UBE2E2: variants seen among roughly 807,000 people sequenced by gnomAD.
The protein encoded by UBE2E2 is ubiquitin-conjugating enzyme E2 E2.
In UBE2E2, 6 loss-of-function variants were observed where a neutral mutation model predicts 24.7. The observed-to-expected ratio is 0.24, with a 90% CI of 0.13 to 0.48. The LOEUF is 0.48. UBE2E2 is among the 20% of genes least tolerant of loss of function. The pLI is 0.99. For missense variants in UBE2E2, 169 were observed against 245.0 expected (o/e 0.69, Z 2.07); for synonymous variants, 104 against 83.6 (o/e 1.24, Z -1.33).
intron 3 of UBE2E2, among the ~76,000 whole-genome samples, chr3:23,466,969 T>G: frequency 6.6e-6 from 1 of 152,226 alleles, no homozygotes; most frequent in East Asian, 1.9e-4. Context: ...GTGATGAGTT[T>G]GCAAGGTGAA....
At chr3:23,530,355 A>T (rs1695094080) in intron 4 of UBE2E2, among the ~76,000 whole-genome samples, 1 of 152,158 alleles carries the variant, frequency 6.6e-6, no homozygotes, top group South Asian at 2.1e-4. Context: ...CTCTTTGATT[A>T]TAGCTATGTC....
At chr3:23,350,763 G>A (rs1575578738) in intron 3 of UBE2E2, among the ~76,000 whole-genome samples, 1 of 152,198 alleles carries the variant, frequency 6.6e-6, no homozygotes, top group Admixed American at 6.5e-5. Flanking sequence ...CGTCTGATTG[G>A]TGTACCTGAA....
intron 2 of UBE2E2, among the ~76,000 whole-genome samples, chr3:23,211,328 C>A (rs1288095756): frequency 6.6e-6 from 1 of 151,680 alleles, no homozygotes; most frequent in African/African-American, 2.4e-5. Context: ...TAAAGAGTAG[C>A]ATTGAAGAGC....
At chr3:23,428,954 A>T (rs1697994625) in intron 3 of UBE2E2, among the ~76,000 whole-genome samples, 1 of 143,818 alleles carries the variant, frequency 7.0e-6, no homozygotes, top group Non-Finnish European at 1.5e-5. Flanking sequence ...AAAAAAAAAG[A>T]ATTGAAAAAG....
At chr3:23,260,014 T>TAAA in intron 3 of UBE2E2, among the ~76,000 whole-genome samples, 1 of 152,366 alleles carries the variant, frequency 6.6e-6, no homozygotes, top group East Asian at 1.9e-4. Context: ...ATCCCTTTTA[T>TAAA]GTGATTTAAA....
At chr3:23,354,536 GA>G (rs940092224) in intron 3 of UBE2E2, among the ~76,000 whole-genome samples, 9 of 151,946 alleles carry the variant, frequency 5.9e-5, no homozygotes, top group Non-Finnish European at 8.8e-5. Flanking sequence ...AAATTTGCAA[GA>G]AAAAAACAAC....
chr3:23,262,042 C>A (rs1697915791), intron 3 of UBE2E2, among the ~76,000 whole-genome samples: 1 of 152,136 alleles, frequency 6.6e-6, no homozygotes, highest in Non-Finnish European at 1.5e-5. Flanking sequence ...TGAGGAGCCT[C>A]CATATTGGTT....
intron 3 of UBE2E2, among the ~76,000 whole-genome samples, chr3:23,402,292 G>A (rs549984804): frequency 7.9e-5 from 12 of 152,264 alleles, no homozygotes; most frequent in Middle Eastern, 3.4e-3. Context: ...TCCACGTAAT[G>A]TCACACCAGG....
intron 3 of UBE2E2, among the ~76,000 whole-genome samples, chr3:23,300,937 T>TG (rs1298518011): frequency 1.3e-5 from 2 of 152,336 alleles, no homozygotes; most frequent in East Asian, 3.9e-4. Context: ...GACGTAGATT[T>TG]GGTCTTTTCA....
At chr3:23,415,480 A>G (rs1381584906) in intron 3 of UBE2E2, among the ~76,000 whole-genome samples, 3 of 152,240 alleles carry the variant, frequency 2.0e-5, no homozygotes, top group Non-Finnish European at 4.4e-5. Flanking sequence ...GCTGGAGTAC[A>G]TTACATGTAA....
chr3:23,303,064 C>T (rs1699144707), intron 3 of UBE2E2, among the ~76,000 whole-genome samples: 2 of 152,166 alleles, frequency 1.3e-5, no homozygotes, highest in South Asian at 4.1e-4. Flanking sequence ...CTGAGCTCTG[C>T]CTCCCGTCAG....
At chr3:23,203,748 C>G (rs1696040851) in intron 1 of UBE2E2, among the ~76,000 whole-genome samples, 1 of 148,774 alleles carries the variant, frequency 6.7e-6, no homozygotes, top group Non-Finnish European at 1.5e-5. Flanking sequence ...TTCTCAGTTC[C>G]CCATCCTTCT....
At chr3:23,574,309 T>C (rs1027792243) in intron 5 of UBE2E2, among the ~76,000 whole-genome samples, 1 of 152,182 alleles carries the variant, frequency 6.6e-6, no homozygotes, top group African/African-American at 2.4e-5. Flanking sequence ...ACCTAGTGTT[T>C]GCTAGCACAA....
At chr3:23,341,533 T>G (rs1695387412) in intron 3 of UBE2E2, among the ~76,000 whole-genome samples, 1 of 152,156 alleles carries the variant, frequency 6.6e-6, no homozygotes, top group African/African-American at 2.4e-5. Flanking sequence ...AAGGTTTGAG[T>G]GTAGGTAAGC....
At chr3:23,360,032 C>G (rs761034138) in intron 3 of UBE2E2, among the ~76,000 whole-genome samples, 5 of 152,104 alleles carry the variant, frequency 3.3e-5, no homozygotes, top group Non-Finnish European at 7.4e-5. Context: ...GTTTTACCTG[C>G]TGGTCTAATT....
At chr3:23,255,186 C>T (rs1020612080) in intron 3 of UBE2E2, among the ~76,000 whole-genome samples, 3 of 147,952 alleles carry the variant, frequency 2.0e-5, no homozygotes, top group Non-Finnish European at 3.0e-5. Flanking sequence ...CATGCTCAAG[C>T]GACCCTCCCA....
intron 5 of UBE2E2, among the ~76,000 whole-genome samples, chr3:23,563,687 A>G (rs544854244): frequency 5.3e-5 from 8 of 152,292 alleles, no homozygotes; most frequent in Admixed American, 1.3e-4. Flanking sequence ...AAAGAATTCA[A>G]TAAATTTCAA....
chr3:23,263,438 C>T (rs780238653), intron 3 of UBE2E2, among the ~76,000 whole-genome samples: 1 of 152,160 alleles, frequency 6.6e-6, no homozygotes, highest in Non-Finnish European at 1.5e-5. Flanking sequence ...TTGATTTTGG[C>T]TTTGACATAA....
At chr3:23,398,701 G>C (rs765203822) in intron 3 of UBE2E2, among the ~76,000 whole-genome samples, 45 of 152,280 alleles carry the variant, frequency 3.0e-4, no homozygotes, top group Non-Finnish European at 5.6e-4. Context: ...TTCTGAAACT[G>C]TTAGAAATTG....
Sources: gnomAD v4.1 joint callset for allele counts (sites outside exome capture counted in the v4.1 genomes callset) on GRCh38, gnomAD v4.1.1 for gene constraint, MANE v1.5 for transcripts, NCBI Gene and HGNC (gene_info 2026-07-23, HGNC 2026-07-21) for gene names.